TIMM9: variants seen among roughly 807,000 people sequenced by gnomAD.
TIMM9 encodes translocase of inner mitochondrial membrane 9.
TIMM9 carries 10 observed loss-of-function variants against 13.4 expected under a neutral mutation model. The observed-to-expected ratio is 0.75, with a 90% CI of 0.46 to 1.26. TIMM9 has a LOEUF of 1.26. TIMM9 is among the 50% of genes most tolerant of loss of function. TIMM9 has a pLI of 0.00. For synonymous variants in TIMM9, 32 were observed against 32.1 expected, an observed-to-expected ratio of 1.00 and a Z score of 0.01; for missense variants, 87 against 100.8, an observed-to-expected ratio of 0.86 and a Z score of 0.58.
chr14:58,410,654 T>C (rs2036185520), intron 5 of TIMM9, among the ~76,000 whole-genome samples, 189 bp downstream of exon 5: 1 of 152,224 alleles, frequency 6.6e-6, no homozygotes, highest in Non-Finnish European at 1.5e-5. Context: ...ACAATGTAAC[T>C]GTCATTAAAT....
At chr14:58,411,473 G>A (rs532796497) in intron 4 of TIMM9, among the ~76,000 whole-genome samples, 21 of 150,982 alleles carry the variant, frequency 1.4e-4, no homozygotes, top group African/African-American at 4.6e-4. Context: ...AGAAAAATAC[G>A]TACACTTTAT....
chr14:58,411,658 C>T (rs570001606), intron 4 of TIMM9, among the ~76,000 whole-genome samples: 2 of 151,866 alleles, frequency 1.3e-5, no homozygotes, highest in Non-Finnish European at 2.9e-5. Context: ...TGTGCCTCAG[C>T]CTCCCACGTA....
intron 3 of TIMM9, among the ~76,000 whole-genome samples, chr14:58,421,790 A>G (rs1193160492): frequency 6.6e-6 from 1 of 152,132 alleles, no homozygotes; most frequent in East Asian, 1.9e-4. Context: ...ACTTGAAAAA[A>G]AATACAAGGG....
intron 3 of TIMM9, among the ~76,000 whole-genome samples, chr14:58,417,322 G>A: frequency 6.6e-6 from 1 of 151,686 alleles, no homozygotes; most frequent in East Asian, 1.9e-4. Context: ...AGAAAAGAAA[G>A]AGAGAAAAGA....
chr14:58,413,759 G>A (rs1034541988), intron 3 of TIMM9, among the ~76,000 whole-genome samples: 1 of 152,096 alleles, frequency 6.6e-6, no homozygotes, highest in Admixed American at 6.5e-5. Context: ...TGTAATCCCA[G>A]CACTTTGGGA....
chr14:58,423,384 G>T (rs1477329451), intron 3 of TIMM9, among the ~76,000 whole-genome samples: 1 of 151,584 alleles, frequency 6.6e-6, no homozygotes, highest in Non-Finnish European at 1.5e-5. Context: ...CGGGCATGGT[G>T]GCACATGCCT....
At chr14:58,419,246 G>C (rs374378747) in intron 3 of TIMM9, among the ~76,000 whole-genome samples, 2 of 152,096 alleles carry the variant, frequency 1.3e-5, no homozygotes, top group East Asian at 3.9e-4. Context: ...TTGAGCCCAG[G>C]AGTTCAAGAA....
At chr14:58,424,411 T>C (rs1378516122) in intron 2 of TIMM9, among the ~76,000 whole-genome samples, 35 of 152,194 alleles carry the variant, frequency 2.3e-4, no homozygotes, top group Admixed American at 2.3e-3. Context: ...CTTATACAGA[T>C]AGTAACTGGA....
rs1426242106 is a variant in TIMM9 at position 58,408,524 on chromosome 14, AC to A, written c.*509del. 10 of 1,613,578 alleles carry A rather than the reference AC, an allele frequency of 6.2e-6. No individual in the cohort carries two copies. Among genetic ancestry groups the A allele is most frequent in the Non-Finnish European group, 6.8e-6 (8 of 1,179,776 alleles). ...TAGCAAGTAACTATTTTATGTATTC[AC>A]CAGCAATTTGAGGCAGACATGAATG... On this transcript the variant is annotated 3_prime_UTR_variant, in exon 6 of 6. Coordinates refer to ENST00000395159, the MANE Select transcript of TIMM9 (RefSeq NM_012460.4).
At position 58,410,908 on chromosome 14, in the gene TIMM9, G is replaced by C; in HGVS notation, c.70C>G (p.Leu24Val). The C allele has an allele frequency of 2.5e-6, 4 of 1,613,314 alleles. No individual in the cohort carries two copies. In the Middle Eastern group the frequency reaches 5.0e-4, roughly 200 times the overall value. The change falls in exon 5 of 6, where the codon CTT (leucine) becomes GTT (valine). Residue 24 changes from leucine to valine, a missense_variant. Leu to Val is a conservative substitution (Grantham distance 32). Transcript: ENST00000395159. ...FKEFLGTYNK[L>V]TETCFLDCVK... ...CAGTCCAAAAAGCAGGTCTCTGTAA[G>C]TTTATTGTAGGTCCCCAGAAATTCC...
At chr14:58,412,546 A>C (rs1358195689) in intron 3 of TIMM9, among the ~76,000 whole-genome samples, 2 of 152,152 alleles carry the variant, frequency 1.3e-5, no homozygotes, top group Non-Finnish European at 1.5e-5. Flanking sequence ...TGCTTGTTTA[A>C]AGCCCCATTC....
intron 2 of TIMM9, among the ~76,000 whole-genome samples, chr14:58,425,912 G>T (rs188497018): frequency 6.6e-6 from 1 of 151,830 alleles, no homozygotes; most frequent in East Asian, 2.0e-4. Flanking sequence ...TCAGGAGTTC[G>T]AGACCAACCT....
intron 3 of TIMM9, among the ~76,000 whole-genome samples, chr14:58,419,451 T>TCACACACACACACACA (rs67147520): frequency 2.7e-5 from 3 of 112,846 alleles, no homozygotes; most frequent in Non-Finnish European, 3.6e-5. Flanking sequence ...TGAGACCCCG[T>TCACACACACACACACA]CACACACACA....
At chr14:58,414,410 C>G (rs907341245) in intron 3 of TIMM9, among the ~76,000 whole-genome samples, 3 of 152,022 alleles carry the variant, frequency 2.0e-5, no homozygotes, top group African/African-American at 7.2e-5. Context: ...TCAACCATAC[C>G]TATACTTTCC....
chr14:58,424,713 C>A (rs1283103104), intron 2 of TIMM9, among the ~76,000 whole-genome samples: 2 of 151,934 alleles, frequency 1.3e-5, no homozygotes, highest in African/African-American at 2.4e-5. Context: ...ACAAAAAATA[C>A]AAAAATGAGC....
Position 58,427,467 on chromosome 14 carries a change from A to T in TIMM9, c.-379T>A. The T allele has an allele frequency of 1.2e-6, 1 of 845,756 alleles. No homozygotes were observed. Among genetic ancestry groups the T allele is most frequent in the Non-Finnish European group, 1.8e-6 (1 of 547,534 alleles). 52.4% of individuals were successfully genotyped at this position (845,756 alleles called of 1,614,324 possible). On this transcript the variant is annotated 5_prime_UTR_variant, in exon 1 of 6. It adds an upstream start codon to the 5' untranslated region. Coordinates refer to ENST00000395159, the MANE Select transcript of TIMM9 (RefSeq NM_012460.4). ...CCTGGTAAACACAAGTAGTATTACA[A>T]GTCGGGAGCTCTTCAAGTCTTGGAT...
chr14:58,423,668 T>A (rs2036656502), intron 3 of TIMM9, among the ~76,000 whole-genome samples: 1 of 152,178 alleles, frequency 6.6e-6, no homozygotes, highest in Non-Finnish European at 1.5e-5. Context: ...CACTTCGCAG[T>A]TATTTAATAG....
At chr14:58,413,867 C>T (rs760858421) in intron 3 of TIMM9, among the ~76,000 whole-genome samples, 5 of 151,392 alleles carry the variant, frequency 3.3e-5, no homozygotes, top group Admixed American at 6.6e-5. Context: ...ATTAGCTGGG[C>T]GTGGTGGTGG....
Position 58,419,066 on chromosome 14 carries a change from G to C in TIMM9, c.-27+4942C>G, listed in dbSNP as rs1368562458. On this transcript the variant is annotated intron_variant, in intron 3 of 5. Coordinates refer to ENST00000395159, the MANE Select transcript of TIMM9 (RefSeq NM_012460.4). ...GGTCTACCTGATTTCAAGACATAAA[G>C]AGCCTACAATAATCAATGCTGTGTG... Among the ~76,000 whole-genome samples the C allele has an allele frequency of 2.0e-5, 3 of 152,234 alleles. No individual in the cohort carries two copies. The East Asian group carries it at 5.8e-4, about 29-fold the overall frequency.
Sources: allele counts gnomAD v4.1 joint callset (sites outside exome capture counted in the v4.1 genomes callset), GRCh38; gene constraint gnomAD v4.1.1; transcripts MANE v1.5; gene names NCBI Gene and HGNC (gene_info 2026-07-23, HGNC 2026-07-21).